CSGALNACT1: variants seen among roughly 807,000 people sequenced by gnomAD.
CSGALNACT1 encodes the protein chondroitin sulfate N-acetylgalactosaminyltransferase 1, also known as beta4GalNAcT-1.
Under a neutral mutation model 51.0 loss-of-function variants are expected in CSGALNACT1, and 52 were observed. That is an observed-to-expected ratio of 1.02 (90% CI 0.82 to 1.29). CSGALNACT1 has a LOEUF of 1.29. Among genes scored for constraint, CSGALNACT1 ranks in the 50% most tolerant of loss-of-function variants. The pLI is 0.00. For missense variants in CSGALNACT1, 935 were observed against 679.2 expected (o/e 1.38, Z -4.19); for synonymous variants, 341 against 254.4 (o/e 1.34, Z -3.24).
chr8:19,467,110 CTTTTTTTTT>C (rs10604359), intron 4 of CSGALNACT1, among the ~76,000 whole-genome samples: 1 of 53,290 alleles, frequency 1.9e-5, no homozygotes, highest in Admixed American at 3.1e-4. Flanking sequence ...TAGCAGCTGA[CTTTTTTTTT>C]TTTTTTTTTT....
chr8:19,553,640 A>ATATATATATAT (rs201836569), intron 3 of CSGALNACT1, among the ~76,000 whole-genome samples: 1,445 of 116,922 alleles, frequency 0.012, 112 homozygotes, highest in African/African-American at 0.047. Flanking sequence ...TATATATATA[A>ATATATATATAT]AAAAATATGT....
intron 3 of CSGALNACT1, among the ~76,000 whole-genome samples, chr8:19,549,207 C>G (rs191412747): frequency 2.6e-5 from 4 of 152,068 alleles, no homozygotes; most frequent in Non-Finnish European, 4.4e-5. Flanking sequence ...CTTTTCCTCT[C>G]CATCCTCTCC....
intron 1 of CSGALNACT1, among the ~76,000 whole-genome samples, chr8:19,718,928 A>T (rs1331695704): frequency 6.6e-6 from 1 of 152,222 alleles, no homozygotes; most frequent in East Asian, 1.9e-4. Flanking sequence ...TATTATGGCT[A>T]TTAACATACG....
chr8:19,576,185 C>T (rs2044167083), intron 3 of CSGALNACT1, among the ~76,000 whole-genome samples: 1 of 151,994 alleles, frequency 6.6e-6, no homozygotes. Flanking sequence ...GTTGCTATCC[C>T]TACACTTTTT....
chr8:19,686,008 CTG>C (rs2060955646), upstream of CSGALNACT1, among the ~76,000 whole-genome samples: 1 of 152,224 alleles, frequency 6.6e-6, no homozygotes, highest in Non-Finnish European at 1.5e-5. Context: ...TCTTGGTGGA[CTG>C]TGACGTGTTC....
intron 3 of CSGALNACT1, among the ~76,000 whole-genome samples, chr8:19,552,231 T>G (rs1249968598): frequency 1.3e-5 from 2 of 152,226 alleles, no homozygotes; most frequent in African/African-American, 2.4e-5. Flanking sequence ...ACAAGATGGT[T>G]GGCCTAATTT....
At chr8:19,444,547 G>A (rs2061815334) in intron 5 of CSGALNACT1, among the ~76,000 whole-genome samples, 1 of 152,144 alleles carries the variant, frequency 6.6e-6, no homozygotes, top group East Asian at 1.9e-4. Flanking sequence ...CTTCCATTTG[G>A]TTTCTTTTAT....
At chr8:19,607,273 C>T (rs2051524869), upstream of CSGALNACT1, among the ~76,000 whole-genome samples, 1 of 152,124 alleles carries the variant, frequency 6.6e-6, no homozygotes, top group Admixed American at 6.5e-5. Context: ...TGAAGTGATT[C>T]CCATCACAAG....
chr8:19,411,081 C>T (rs1277074843), intron 8 of CSGALNACT1, among the ~76,000 whole-genome samples: 1 of 152,206 alleles, frequency 6.6e-6, no homozygotes, highest in Non-Finnish European at 1.5e-5. Context: ...CTTGGATTCT[C>T]CATGCTCACA....
upstream of CSGALNACT1, among the ~76,000 whole-genome samples, chr8:19,685,610 C>T (rs1349721877): frequency 1.3e-5 from 2 of 152,218 alleles, no homozygotes; most frequent in Non-Finnish European, 2.9e-5. Flanking sequence ...AAGTACAGTG[C>T]CCTGAACTAT....
intron 3 of CSGALNACT1, among the ~76,000 whole-genome samples, chr8:19,538,913 C>G (rs943203116): frequency 2.6e-5 from 4 of 152,116 alleles, no homozygotes; most frequent in Middle Eastern, 3.2e-3. Context: ...CTGCCTGGAC[C>G]GCTCATCCTG....
At chr8:19,650,477 G>A (rs902447179) in intron 1 of CSGALNACT1, among the ~76,000 whole-genome samples, 1 of 152,190 alleles carries the variant, frequency 6.6e-6, no homozygotes, top group African/African-American at 2.4e-5. Flanking sequence ...GCATAAGTGA[G>A]CAATAGTGAA....
chr8:19,702,224 T>A (rs891923908), intron 1 of CSGALNACT1, among the ~76,000 whole-genome samples: 3 of 152,078 alleles, frequency 2.0e-5, no homozygotes, highest in Non-Finnish European at 4.4e-5. Context: ...ATTCAGTGGA[T>A]CCCTAGAGCC....
intron 4 of CSGALNACT1, among the ~76,000 whole-genome samples, chr8:19,486,906 C>A (rs566175236): frequency 7.3e-5 from 11 of 150,636 alleles, no homozygotes; most frequent in African/African-American, 2.7e-4. Flanking sequence ...AGTAGCTGCC[C>A]AACAACACTT....
At chr8:19,684,181 A>G (rs1390626395), upstream of CSGALNACT1, among the ~76,000 whole-genome samples, 1 of 152,144 alleles carries the variant, frequency 6.6e-6, no homozygotes. Flanking sequence ...AAAAATACAT[A>G]ATAAAGCTCA....
chr8:19,500,107 G>C (rs889943666), intron 4 of CSGALNACT1, among the ~76,000 whole-genome samples: 1 of 152,096 alleles, frequency 6.6e-6, no homozygotes, highest in Non-Finnish European at 1.5e-5. Flanking sequence ...AGGATAGAGG[G>C]GCCTGGTGAG....
rs188722547 is a variant in CSGALNACT1 at position 19,549,397 on chromosome 8, G to C, written c.-297+41763C>G. Reference sequence around the variant, plus strand: ...TAATAACTGCTTCAATTTTTCATTTGGTTGATTTCTCTATGTATCTAACAT... The same window carrying C: ...TAATAACTGCTTCAATTTTTCATTTCGTTGATTTCTCTATGTATCTAACAT... On this transcript the variant is annotated intron_variant, in intron 3 of 9. Transcript: ENST00000454498. 3.6e-3 allele frequency among the ~76,000 whole-genome samples: 552 copies of C among 151,874 alleles called. 1 individual carries two copies. Among genetic ancestry groups the C allele is most frequent in the African/African-American group, 0.012 (514 of 41,402 alleles).
chr8:19,591,138 A>C (rs113360425), intron 3 of CSGALNACT1: 1 of 152,246 alleles, frequency 6.6e-6, no homozygotes, highest in Non-Finnish European at 1.5e-5. Flanking sequence ...ATTTAGAAGA[A>C]GAGATCAGGA....
At chr8:19,664,283 T>C (rs905378496) in intron 1 of CSGALNACT1, among the ~76,000 whole-genome samples, 1 of 152,150 alleles carries the variant, frequency 6.6e-6, no homozygotes, top group Non-Finnish European at 1.5e-5. Context: ...AAAACCACAA[T>C]GAGATCACCT....
Sources: gnomAD v4.1 joint callset for allele counts (sites outside exome capture counted in the v4.1 genomes callset) on GRCh38, gnomAD v4.1.1 for gene constraint, MANE v1.5 for transcripts, NCBI Gene and HGNC (gene_info 2026-07-23, HGNC 2026-07-21) for gene names.